Variants in RCBTB2 observed in about 807,000 individuals in gnomAD.
RCBTB2 encodes RCC1 and BTB domain-containing protein 2.
RCBTB2 carries 55 observed loss-of-function variants against 65.4 expected under a neutral mutation model. The observed-to-expected ratio is 0.84, with a 90% CI of 0.68 to 1.05. RCBTB2 has a LOEUF of 1.05. Among genes scored for constraint, RCBTB2 ranks in the 50% least tolerant of loss-of-function variants. RCBTB2 has a pLI of 0.00. For synonymous variants in RCBTB2, 220 were observed against 255.2 expected, an observed-to-expected ratio of 0.86 and a Z score of 1.31; for missense variants, 599 against 680.1, an observed-to-expected ratio of 0.88 and a Z score of 1.33.
In RCBTB2 at chr13:48,522,321, T is replaced by C. The variant is rs1217312174; in HGVS notation, c.-37A>G. The C allele has an allele frequency of 2.0e-6, 3 of 1,527,526 alleles. No homozygotes were observed. Among genetic ancestry groups the C allele is most frequent in the South Asian group, 2.4e-5 (2 of 83,890 alleles). The allele number at this position is 1,527,526 out of a possible 1,614,324, so 94.6% of individuals were successfully genotyped here. The stretch of plus-strand genomic sequence containing the variant: ...TAAATTTTAGACCTTTGTCAACTTT[T>C]CTCTGGGATTGGAAAGTTCCAAATC... On this transcript the variant is annotated 5_prime_UTR_variant, in exon 3 of 15. Transcript: ENST00000344532.
At chr13:48,509,276 G>A (rs1000961308) in intron 10 of RCBTB2, among the ~76,000 whole-genome samples, 8 of 152,146 alleles carry the variant, frequency 5.3e-5, no homozygotes, top group Non-Finnish European at 1.0e-4. Context: ...ACAGTGAGCC[G>A]TGATTGCACC....
upstream of RCBTB2, chr13:48,533,279 C>T (rs935481040): frequency 3.2e-6 from 1 of 310,090 alleles, no homozygotes; most frequent in Non-Finnish European, 6.3e-6. Context: ...GCAGACGCCC[C>T]CTCCCCTCGG....
At chr13:48,516,520 T>C (rs1160873590) in intron 4 of RCBTB2, among the ~76,000 whole-genome samples, 1 of 152,210 alleles carries the variant, frequency 6.6e-6, no homozygotes, top group Non-Finnish European at 1.5e-5. Flanking sequence ...CCTATGTCTG[T>C]TCACATCATC....
intron 1 of RCBTB2, among the ~76,000 whole-genome samples, chr13:48,525,541 CTATTT>C (rs1330827349): frequency 2.0e-5 from 3 of 151,198 alleles, no homozygotes; most frequent in Non-Finnish European, 4.4e-5. Flanking sequence ...CTACTCTATC[CTATTT>C]TATCTTGTTC....
chr13:48,526,589 C>T lies in RCBTB2; in HGVS notation c.-218-1832G>A, dbSNP rs150466265. Among the ~76,000 whole-genome samples, 608 of 151,948 alleles carry T rather than the reference C, an allele frequency of 4.0e-3. 6 individuals are homozygous for T. Among genetic ancestry groups the T allele is most frequent in the African/African-American group, 0.013 (527 of 41,454 alleles). On this transcript the variant is annotated intron_variant, in intron 1 of 14. Coordinates refer to ENST00000344532, the MANE Select transcript of RCBTB2 (RefSeq NM_001268.4). ...CTATGATCGCACCACTGCACATTAGCCTAAGCAACAGAGCAAGACTCTGTC... is the reference window on the plus strand; with the variant it reads ...CTATGATCGCACCACTGCACATTAGTCTAAGCAACAGAGCAAGACTCTGTC...
intron 10 of RCBTB2, among the ~76,000 whole-genome samples, chr13:48,509,815 T>C (rs1034309524): frequency 6.6e-6 from 1 of 152,224 alleles, no homozygotes; most frequent in Admixed American, 6.5e-5. Flanking sequence ...AAGAACTGCA[T>C]ATAAATGTGA....
At chr13:48,494,848 TTG>T (rs1214613027) in intron 14 of RCBTB2, among the ~76,000 whole-genome samples, 1 of 152,158 alleles carries the variant, frequency 6.6e-6, no homozygotes, top group Non-Finnish European at 1.5e-5. Flanking sequence ...TTAAATGTCA[TTG>T]TTTTGAGGTA....
Position 48,509,877 on chromosome 13 carries a change from T to C in RCBTB2, c.926+752A>G, listed in dbSNP as rs373134067. ...TTTAAAATTAAATATAATAAAGATA[T>C]ATGCAGTAAAAACAGCAGCATTCAT... On this transcript the variant is annotated intron_variant, in intron 10 of 14. Transcript: ENST00000344532. Among the ~76,000 whole-genome samples the C allele has an allele frequency of 7.9e-5, 12 of 152,320 alleles. 1 individual carries two copies. The South Asian group carries it at 2.5e-3, about 32-fold the overall frequency.
chr13:48,502,674 T>A (rs1477550968), intron 11 of RCBTB2, 50 bp downstream of exon 11: 1 of 1,539,782 alleles, frequency 6.5e-7, no homozygotes, highest in Admixed American at 1.8e-5. Flanking sequence ...AGCCCTGAGC[T>A]CTTTCCCAGA....
intron 14 of RCBTB2, among the ~76,000 whole-genome samples, chr13:48,491,484 G>A (rs1949698668): frequency 6.6e-6 from 1 of 152,178 alleles, no homozygotes; most frequent in South Asian, 2.1e-4. Flanking sequence ...ACATAAAAAT[G>A]TGCTTCAATG....
intron 2 of RCBTB2, among the ~76,000 whole-genome samples, chr13:48,524,055 T>C (rs770982408): frequency 2.6e-5 from 4 of 152,162 alleles, no homozygotes; most frequent in Non-Finnish European, 5.9e-5. Flanking sequence ...TTAATTACTA[T>C]TGTATAATAC....
At position 48,496,226 on chromosome 13, in the gene RCBTB2, C is replaced by T. The variant is rs753765212; in HGVS notation, c.1480G>A (p.Ala494Thr). The stretch of plus-strand genomic sequence containing the variant: ...TACTTCACCGCAGCCGAGAGCAGAG[C>T]GATGGCATTCTCCTCGCAGATGCCT... ...KQGICEENAI[A>T]LLSAAVKYDA... is the part of the protein sequence containing the mutation. Residue 494 changes from alanine (A) to threonine (T), a missense_variant, in exon 14 of 15, where the codon GCT becomes ACT. Transcript: ENST00000344532. 6.9e-5 allele frequency: 110 copies of T among 1,583,816 alleles called. No individual in the cohort carries two copies. The East Asian group carries it at 9.0e-4, about 13-fold the overall frequency.
chr13:48,525,177 A>G (rs1951641646), intron 1 of RCBTB2, among the ~76,000 whole-genome samples: 2 of 151,938 alleles, frequency 1.3e-5, no homozygotes, highest in South Asian at 4.1e-4. Context: ...TACATAAGAC[A>G]GGAAAGCATA....
chr13:48,531,792 T>A (rs138520941), intron 1 of RCBTB2, among the ~76,000 whole-genome samples: 1 of 152,208 alleles, frequency 6.6e-6, no homozygotes, highest in Non-Finnish European at 1.5e-5. Context: ...CCCCCAAATA[T>A]CTGTATCAGC....
chr13:48,523,353 A>AGG (rs1227134770), intron 2 of RCBTB2, among the ~76,000 whole-genome samples: 1 of 152,196 alleles, frequency 6.6e-6, no homozygotes. Flanking sequence ...ACTACATTGA[A>AGG]GGCATTTTTC....
upstream of RCBTB2, among the ~76,000 whole-genome samples, chr13:48,534,402 G>A (rs961122460): frequency 1.3e-5 from 2 of 152,134 alleles, no homozygotes; most frequent in Non-Finnish European, 2.9e-5. Context: ...GTAAGGCAAG[G>A]ATTATCCTTA....
intron 13 of RCBTB2, 148 bp from the exon 14 acceptor site, chr13:48,496,469 C>T (rs1949976232): frequency 2.8e-6 from 2 of 713,422 alleles, no homozygotes; most frequent in Non-Finnish European, 2.0e-6. Flanking sequence ...CTGACACTTA[C>T]ACTTCAGTGT....
intron 4 of RCBTB2, among the ~76,000 whole-genome samples, chr13:48,518,523 C>T: frequency 6.9e-6 from 1 of 145,976 alleles, no homozygotes; most frequent in East Asian, 2.0e-4. Context: ...GGAAAATCCA[C>T]AGGCATTTCC....
In RCBTB2 at chr13:48,490,024, A is replaced by T; in HGVS notation, c.*87T>A. 2.8e-6 allele frequency: 4 copies of T among 1,420,106 alleles called. No homozygotes were observed. The highest frequency in any genetic ancestry group is 4.0e-6 in the Non-Finnish European group (4 of 1,007,222). 88.0% of individuals were successfully genotyped at this position (1,420,106 alleles called of 1,614,324 possible). On this transcript the variant is annotated 3_prime_UTR_variant, in exon 15 of 15. Transcript: ENST00000344532. ...AGTACTCAGCCAAACATAGCTCATC[A>T]TACATACTATTAATTAAAGAGAAGT...
Sources: allele counts gnomAD v4.1 joint callset (sites outside exome capture counted in the v4.1 genomes callset), GRCh38; gene constraint gnomAD v4.1.1; transcripts MANE v1.5; gene names NCBI Gene and HGNC (gene_info 2026-07-23, HGNC 2026-07-21).